Variants in SORCS2 observed in about 807,000 individuals in gnomAD.
SORCS2 encodes the protein sortilin related VPS10 domain containing receptor 2.
Under a neutral mutation model 141.6 loss-of-function variants are expected in SORCS2, and 100 were observed. That is an observed-to-expected ratio of 0.71 (90% confidence interval 0.60 to 0.83). The LOEUF is 0.83. Among genes scored for constraint, SORCS2 ranks in the 40% least tolerant of loss-of-function variants. The pLI is 0.00. For missense variants in SORCS2, 1,646 were observed against 1,560.2 expected, an observed-to-expected ratio of 1.05 and a Z score of -0.93; for synonymous variants, 789 against 676.9, an observed-to-expected ratio of 1.17 and a Z score of -2.57.
rs888991476 is a variant in SORCS2 at position 7,233,333 on chromosome 4, A to G, written c.480+40207A>G. Among the ~76,000 whole-genome samples the G allele has an allele frequency of 2.6e-5, 4 of 152,174 alleles. No individual in the cohort carries two copies. The highest frequency in any genetic ancestry group is 4.8e-5 in the African/African-American group (2 of 41,454). On this transcript the variant is annotated intron_variant, in intron 1 of 26. Coordinates refer to ENST00000507866, the MANE Select transcript of SORCS2 (RefSeq NM_020777.3). The surrounding 1 kb of genome is among the most constrained non-coding windows in gnomAD (Gnocchi z 4.5). ...GGGACAGGAGCACATCCAGGGTGTC[A>G]TCATGATGACGTCTCCTGGCCACCG...
At chr4:7,506,751 G>A (rs1303476358) in intron 2 of SORCS2, among the ~76,000 whole-genome samples, 2 of 152,208 alleles carry the variant, frequency 1.3e-5, no homozygotes, top group Non-Finnish European at 2.9e-5. Flanking sequence ...AAACGTTGCC[G>A]GAGACTGGAT....
chr4:7,648,753 C>T lies in SORCS2; in HGVS notation c.814-5381C>T, dbSNP rs1303897647. 2.6e-5 allele frequency among the ~76,000 whole-genome samples: 4 copies of T among 152,096 alleles called. No homozygotes were observed. The highest frequency in any genetic ancestry group is 9.7e-5 in the African/African-American group (4 of 41,428). On this transcript the variant is annotated intron_variant, in intron 4 of 26. Coordinates refer to ENST00000507866, the MANE Select transcript of SORCS2 (RefSeq NM_020777.3). This position sits in a 1 kb window ranked among gnomAD's most constrained non-coding sequence, Gnocchi z 4.2. ...AGGAAGAGAGGCTAGAAACCAGGGA[C>T]AGGCACCAGGGCGGCCCCGGGGAGC...
chr4:7,703,266 A>G lies in SORCS2; in HGVS notation c.1669-14A>G. 2 of 1,602,456 alleles carry G rather than the reference A, an allele frequency of 1.2e-6. No homozygotes were observed. The highest frequency in any genetic ancestry group is 1.7e-5 in the Admixed American group (1 of 58,956). On this transcript the variant is annotated splice_polypyrimidine_tract_variant and intron_variant, in intron 12 of 26. Transcript: ENST00000507866. ...CTCAGGCCCTGCCCTCAGCCACACC[A>G]CTCTCCTCTGCAGGTGTTTGAGGAA...
chr4:7,206,404 C>T (rs1381108575), intron 1 of SORCS2, among the ~76,000 whole-genome samples: 1 of 152,184 alleles, frequency 6.6e-6, no homozygotes, highest in East Asian at 1.9e-4. Flanking sequence ...AGCTTTCCTG[C>T]TGGGGAATCT....
intron 3 of SORCS2, among the ~76,000 whole-genome samples, chr4:7,553,322 A>G (rs964708425): frequency 1.2e-4 from 19 of 152,136 alleles, no homozygotes; most frequent in Admixed American, 6.5e-4. Flanking sequence ...GGGAAAAAAA[A>G]CCATGTAATT....
At chr4:7,683,036 G>A in intron 10 of SORCS2, 147 bp downstream of exon 10, 1 of 1,067,156 alleles carries the variant, frequency 9.4e-7, no homozygotes, top group South Asian at 1.8e-5. Flanking sequence ...TGGTAGAGAG[G>A]GTCAAATGAA....
chr4:7,403,994 TA>T (rs1287468890), intron 2 of SORCS2, among the ~76,000 whole-genome samples: 97 of 6,992 alleles, frequency 0.014, no homozygotes, highest in Non-Finnish European at 0.027. Context: ...TATATATATA[TA>T]TATTTTTTTT....
At chr4:7,694,856 C>T (rs1357474734) in intron 11 of SORCS2, among the ~76,000 whole-genome samples, 2 of 152,172 alleles carry the variant, frequency 1.3e-5, no homozygotes, top group East Asian at 1.9e-4. Flanking sequence ...CTTCCTTGGA[C>T]ACCCAGTCCC....
intron 1 of SORCS2, among the ~76,000 whole-genome samples, chr4:7,230,882 C>A (rs1274605948): frequency 6.6e-6 from 1 of 152,240 alleles, no homozygotes; most frequent in Non-Finnish European, 1.5e-5. Flanking sequence ...AGTCTCTGGG[C>A]AGGAGCAGTG....
At chr4:7,734,042 C>T (rs926600314) in intron 24 of SORCS2, among the ~76,000 whole-genome samples, 3 of 150,428 alleles carry the variant, frequency 2.0e-5, no homozygotes, top group African/African-American at 7.4e-5. Flanking sequence ...CGGGCAGGAA[C>T]AGGTGGGGGA....
chr4:7,602,535 G>A (rs917842090), intron 3 of SORCS2, among the ~76,000 whole-genome samples: 8 of 151,372 alleles, frequency 5.3e-5, no homozygotes, highest in Admixed American at 4.6e-4. Flanking sequence ...GGGCAGAGAC[G>A]CTCCTCACTT....
intron 19 of SORCS2, 66 bp downstream of exon 19, chr4:7,723,949 G>A (rs1198018858): frequency 4.1e-6 from 6 of 1,469,312 alleles, no homozygotes; most frequent in Non-Finnish European, 4.5e-6. Flanking sequence ...GGCTTTGGGG[G>A]AAACACAGGG....
At chr4:7,463,739 C>A (rs1411859778) in intron 2 of SORCS2, among the ~76,000 whole-genome samples, 4 of 152,168 alleles carry the variant, frequency 2.6e-5, no homozygotes, top group Admixed American at 2.0e-4. Flanking sequence ...TCTCCTGCAC[C>A]GCTCTGGAGC....
chr4:7,483,485 GGCACGTGGTACTGTTGAC>G (rs1487602947), intron 2 of SORCS2, among the ~76,000 whole-genome samples: 31 of 152,118 alleles, frequency 2.0e-4, no homozygotes, highest in African/African-American at 6.0e-4. Context: ...GCCTTTGGGA[GGCACGTGGTACTGTTGAC>G]GCCTCGATTT....
chr4:7,473,743 A>G (rs77033454), intron 2 of SORCS2, among the ~76,000 whole-genome samples: 1,685 of 144,764 alleles, frequency 0.012, 17 homozygotes, highest in East Asian at 0.026. Flanking sequence ...TGACTTGGCA[A>G]TGGGGAGGTG....
intron 2 of SORCS2, chr4:7,433,707 G>C (rs1294671673): frequency 6.2e-7 from 1 of 1,612,942 alleles, no homozygotes; most frequent in Non-Finnish European, 8.5e-7. Context: ...AGCTGCCCTG[G>C]TTCTCCGCGT....
At chr4:7,445,238 C>A (rs550850406) in intron 2 of SORCS2, among the ~76,000 whole-genome samples, 3 of 152,288 alleles carry the variant, frequency 2.0e-5, no homozygotes, top group East Asian at 3.9e-4. Flanking sequence ...ATACTTGGGA[C>A]TTGGCAGTAA....
chr4:7,714,617 C>G (rs1220549721), intron 16 of SORCS2, among the ~76,000 whole-genome samples: 2 of 152,214 alleles, frequency 1.3e-5, no homozygotes, highest in Non-Finnish European at 2.9e-5. Flanking sequence ...TCAGTGGCTG[C>G]TCACAGGCAG....
At chr4:7,457,632 A>G (rs1729002275) in intron 2 of SORCS2, among the ~76,000 whole-genome samples, 1 of 151,664 alleles carries the variant, frequency 6.6e-6, no homozygotes, top group Non-Finnish European at 1.5e-5. Context: ...GCAAGCTGAC[A>G]GGTATAAGCC....
Sources: gnomAD v4.1 joint callset for allele counts (sites outside exome capture counted in the v4.1 genomes callset) on GRCh38, gnomAD v4.1.1 for gene constraint, Gnocchi (gnomAD v3.1) non-coding constraint, MANE v1.5 for transcripts, NCBI Gene and HGNC (gene_info 2026-07-23, HGNC 2026-07-21) for gene names.